SLC25A48: variants seen among roughly 807,000 people sequenced by gnomAD.
The protein encoded by SLC25A48 is solute carrier family 25 member 48, also known as CTC-321K16.1.
SLC25A48 carries 29 observed loss-of-function variants against 32.2 expected under a neutral mutation model. The ratio of observed to expected loss-of-function variants is 0.90; its 90% CI spans 0.67 to 1.23. The LOEUF is 1.23. Ranked by LOEUF, SLC25A48 falls within the 50% of genes most tolerant of loss-of-function variation. The pLI, the probability that SLC25A48 is intolerant of heterozygous loss-of-function variation, is 0.00. For missense variants in SLC25A48, 399 were observed against 422.7 expected (o/e 0.94, Z 0.49); for synonymous variants, 164 against 172.3 (o/e 0.95, Z 0.38).
At chr5:135,611,496 CAAAAAAAAAAAAAAAAAAAAAAAA>C (rs57138043) in intron 1 of SLC25A48, among the ~76,000 whole-genome samples, 2 of 21,340 alleles carry the variant, frequency 9.4e-5, no homozygotes, top group African/African-American at 3.1e-4. Context: ...GACTCCATCT[CAAAAAAAAAAAAAAAAAAAAAAAA>C]AAAAAAAGAA....
chr5:135,751,762 G>T (rs1184919458), intron 3 of SLC25A48, among the ~76,000 whole-genome samples: 4 of 152,118 alleles, frequency 2.6e-5, no homozygotes, highest in Non-Finnish European at 5.9e-5. Context: ...GGAGTTGGAG[G>T]CTGCAATGAG....
rs765681131 is a variant in SLC25A48 at position 135,852,816 on chromosome 5, G to A, written c.416G>A (p.Arg139Gln). The A allele has an allele frequency of 1.2e-6, 2 of 1,604,132 alleles. No homozygotes were observed. Among genetic ancestry groups the A allele is most frequent in the Non-Finnish European group, 8.5e-7 (1 of 1,171,866 alleles). ...TTGCAGATGCAGACACAACCGTTTCGGGACGGTAAGAGGCCAGGGGAGCGG... is the reference window on the plus strand; with the variant it reads ...TTGCAGATGCAGACACAACCGTTTCAGGACGGTAAGAGGCCAGGGGAGCGG... ...IRLQMQTQPF[R>Q]DANLGLKSRA... The change falls in exon 4 of 8, where the codon CGG (arginine) becomes CAG (glutamine). Residue 139 changes from arginine (R) to glutamine (Q), a missense_variant. By Grantham distance (43) the Arg-to-Gln change is conservative. Transcript: ENST00000681962.
intron 4 of SLC25A48, among the ~76,000 whole-genome samples, chr5:135,854,229 G>A (rs138908105): frequency 1.1e-4 from 16 of 152,280 alleles, no homozygotes; most frequent in African/African-American, 3.8e-4. Context: ...TGAGCACTGG[G>A]TTCAACTTAA....
At chr5:135,692,039 C>A (rs973533309) in intron 3 of SLC25A48, among the ~76,000 whole-genome samples, 2 of 152,060 alleles carry the variant, frequency 1.3e-5, no homozygotes, top group Non-Finnish European at 2.9e-5. Context: ...GTAGGCAGTC[C>A]GGGCGCGGTG....
chr5:135,703,352 C>T (rs916021474), intron 3 of SLC25A48, among the ~76,000 whole-genome samples: 3 of 152,200 alleles, frequency 2.0e-5, no homozygotes, highest in African/African-American at 7.2e-5. Context: ...CACGGCAGCC[C>T]AGTGAGGCCT....
Position 135,839,600 on chromosome 5 carries a change from G to A in SLC25A48, c.47-2816G>A, listed in dbSNP as rs113697152. On this transcript the variant is annotated intron_variant, in intron 1 of 7. Transcript: ENST00000681962. Reference sequence around the variant, plus strand: ...AAATGAGTTAAGACTTTGGGGCGCCGTTGGGAAGGCATGATTTGTTTTGAA... The same window carrying A: ...AAATGAGTTAAGACTTTGGGGCGCCATTGGGAAGGCATGATTTGTTTTGAA... Among the ~76,000 whole-genome samples the A allele has an allele frequency of 3.3e-3, 497 of 152,252 alleles. 7 individuals carry two copies. The highest frequency in any genetic ancestry group is 8.7e-4 in the Non-Finnish European group (59 of 68,020).
intron 1 of SLC25A48, among the ~76,000 whole-genome samples, chr5:135,581,097 T>G: frequency 6.6e-6 from 1 of 152,222 alleles, no homozygotes; most frequent in Non-Finnish European, 1.5e-5. Flanking sequence ...GATAATAATA[T>G]GTACAGCATA....
At chr5:135,657,307 A>G (rs1158209719) in intron 3 of SLC25A48, among the ~76,000 whole-genome samples, 3 of 152,240 alleles carry the variant, frequency 2.0e-5, no homozygotes, top group Non-Finnish European at 4.4e-5. Context: ...TACTGCAGAG[A>G]CAAAGGTGAG....
chr5:135,813,931 G>T (rs1353438475), intron 4 of SLC25A48, among the ~76,000 whole-genome samples: 1 of 152,184 alleles, frequency 6.6e-6, no homozygotes, highest in Non-Finnish European at 1.5e-5. Flanking sequence ...TGGAGACAAG[G>T]TCAGAAGTGA....
At chr5:135,740,783 C>T (rs1445801349) in intron 3 of SLC25A48, among the ~76,000 whole-genome samples, 3 of 152,202 alleles carry the variant, frequency 2.0e-5, no homozygotes, top group Non-Finnish European at 4.4e-5. Context: ...AGCTGCCCCC[C>T]AGCCCTGCTC....
At chr5:135,727,298 G>C (rs1003987131) in intron 3 of SLC25A48, among the ~76,000 whole-genome samples, 3 of 142,400 alleles carry the variant, frequency 2.1e-5, no homozygotes, top group Admixed American at 1.4e-4. Context: ...CACACACACA[G>C]AGTCTAAATT....
chr5:135,772,709 G>A (rs1419603637), intron 3 of SLC25A48, among the ~76,000 whole-genome samples: 1 of 151,542 alleles, frequency 6.6e-6, no homozygotes, highest in Non-Finnish European at 1.5e-5. Context: ...ATTCAGGAAA[G>A]GAGAGGATAA....
At chr5:135,750,396 A>C (rs965336532) in intron 3 of SLC25A48, among the ~76,000 whole-genome samples, 4 of 151,640 alleles carry the variant, frequency 2.6e-5, no homozygotes, top group African/African-American at 9.7e-5. Context: ...AAATGGCCTC[A>C]CTCTCCCACT....
At chr5:135,806,134 A>G (rs988773890) in intron 3 of SLC25A48, among the ~76,000 whole-genome samples, 1 of 151,646 alleles carries the variant, frequency 6.6e-6, no homozygotes, top group Admixed American at 6.6e-5. Flanking sequence ...CATCTTAAAT[A>G]GATATCACTC....
chr5:135,624,089 A>G (rs1055957708), intron 1 of SLC25A48, among the ~76,000 whole-genome samples: 2 of 152,214 alleles, frequency 1.3e-5, no homozygotes, highest in African/African-American at 4.8e-5. Flanking sequence ...AATGAGCACA[A>G]AGCCTGGTTT....
chr5:135,763,790 C>CACACGA (rs1554072856), intron 3 of SLC25A48, among the ~76,000 whole-genome samples: 7 of 151,198 alleles, frequency 4.6e-5, no homozygotes, highest in Admixed American at 1.3e-4. Flanking sequence ...CACACACACA[C>CACACGA]GAGAGAGAGA....
chr5:135,843,098 C>A (rs1350002730), intron 2 of SLC25A48, among the ~76,000 whole-genome samples: 2 of 152,178 alleles, frequency 1.3e-5, no homozygotes, highest in East Asian at 3.9e-4. Flanking sequence ...AGGTCAGGGC[C>A]CATGCTCACC....
chr5:135,745,750 C>G (rs1755623104), intron 3 of SLC25A48, among the ~76,000 whole-genome samples: 1 of 152,158 alleles, frequency 6.6e-6, no homozygotes, highest in African/African-American at 2.4e-5. Flanking sequence ...CATGCCTGAT[C>G]CCCAGCTGTG....
intron 1 of SLC25A48, among the ~76,000 whole-genome samples, chr5:135,621,593 T>A (rs1752325980): frequency 6.6e-6 from 1 of 152,056 alleles, no homozygotes; most frequent in African/African-American, 2.4e-5. Context: ...AAGAACAGAC[T>A]CAAGTGGGAT....
Sources: gnomAD v4.1 joint callset for allele counts (sites outside exome capture counted in the v4.1 genomes callset) on GRCh38, gnomAD v4.1.1 for gene constraint, MANE v1.5 for transcripts, NCBI Gene and HGNC (gene_info 2026-07-23, HGNC 2026-07-21) for gene names.